MYSM1: variants seen among roughly 807,000 people sequenced by gnomAD.
MYSM1 encodes the protein Myb like, SWIRM and MPN domains 1, also known as deubiquitinase MYSM1.
A neutral mutation model predicts 116.0 loss-of-function variants in MYSM1; 51 were observed. The ratio of observed to expected loss-of-function variants is 0.44; its 90% CI spans 0.35 to 0.56. The LOEUF (loss-of-function observed/expected upper bound fraction) is 0.56, where lower values mean the gene tolerates loss of function less well. Among genes scored for constraint, MYSM1 ranks in the 20% least tolerant of loss-of-function variants. The pLI, the probability that MYSM1 is intolerant of heterozygous loss-of-function variation, is 0.00. For missense variants in MYSM1, 900 were observed against 974.9 expected, an observed-to-expected ratio of 0.92 and a Z score of 1.02; for synonymous variants, 313 against 315.2, an observed-to-expected ratio of 0.99 and a Z score of 0.07.
chr1:58,698,084 C>CTCTATATATATATATATATATA (rs1443443579), intron 1 of MYSM1, among the ~76,000 whole-genome samples: 2 of 31,412 alleles, frequency 6.4e-5, no homozygotes, highest in African/African-American at 2.5e-4. Context: ...ATTTATCAGA[C>CTCTATATATATATATATATATA]TATATATATA....
chr1:58,660,175 T>C lies in MYSM1; in HGVS notation c.2329-20A>G. The C allele has an allele frequency of 2.0e-6, 3 of 1,481,994 alleles. No individual in the cohort carries two copies. The highest frequency in any genetic ancestry group is 2.7e-6 in the Non-Finnish European group (3 of 1,109,992). 91.8% of individuals were successfully genotyped at this position (1,481,994 alleles called of 1,614,324 possible). A position where few individuals can be genotyped will look rare whatever the true frequency, so the allele number is the denominator to read the frequency against. On this transcript the variant is annotated intron_variant, in intron 19 of 19. Transcript: ENST00000472487. Reference sequence around the variant, plus strand: ...CAAAAGCTAGTTGAAAAGAAAAGTTTTATATTTAAATACAGAAAAAGTATG... The same window carrying C: ...CAAAAGCTAGTTGAAAAGAAAAGTTCTATATTTAAATACAGAAAAAGTATG...
At chr1:58,675,051 A>T (rs519331) in intron 10 of MYSM1, among the ~76,000 whole-genome samples, 8,746 of 151,748 alleles carry the variant, frequency 0.058, 787 homozygotes, top group African/African-American at 0.2. Context: ...TACGAATTTT[A>T]AAATATTATA....
At chr1:58,662,532 A>T (rs1468101482) in intron 17 of MYSM1, among the ~76,000 whole-genome samples, 1 of 149,568 alleles carries the variant, frequency 6.7e-6, no homozygotes, top group Non-Finnish European at 1.5e-5. Context: ...TATAAAAGGC[A>T]TTGGCAGGAT....
chr1:58,684,298 G>T (rs1644792907), intron 7 of MYSM1, among the ~76,000 whole-genome samples: 3 of 152,016 alleles, frequency 2.0e-5, no homozygotes, highest in Non-Finnish European at 4.4e-5. Flanking sequence ...GGGCACGGTG[G>T]CTCACGCCTG....
chr1:58,674,069 G>A (rs601459), intron 10 of MYSM1, among the ~76,000 whole-genome samples: 8,884 of 152,004 alleles, frequency 0.058, 807 homozygotes, highest in African/African-American at 0.2. Flanking sequence ...TCACTGTGTC[G>A]CCCAGGCTGG....
chr1:58,684,315 C>T (rs994542359), intron 7 of MYSM1, among the ~76,000 whole-genome samples: 7 of 152,196 alleles, frequency 4.6e-5, no homozygotes, highest in African/African-American at 1.4e-4. Context: ...CCTGTAATCC[C>T]AGCACTTTGG....
Position 58,676,940 on chromosome 1 carries a change from A to T in MYSM1, c.1376T>A (p.Ile459Asn). 1 of 1,611,156 alleles carries T rather than the reference A, an allele frequency of 6.2e-7. No individual in the cohort carries two copies. The highest frequency in any genetic ancestry group is 8.5e-7 in the Non-Finnish European group (1 of 1,178,858). Residue 459 changes from isoleucine (I) to asparagine (N), a missense_variant, in exon 9 of 20, where the codon ATC becomes AAC. Coordinates refer to ENST00000472487, the MANE Select transcript of MYSM1 (RefSeq NM_001085487.3). ...IHTYLELIGA[I>N]NFGCEQAVYN... is the part of the protein sequence containing the mutation. ...TTTATTTTTACCACATCCAAAATTG[A>T]TTGCTCCTATCAATTCGAGGTATGT...
Position 58,671,925 on chromosome 1 carries a change from C to G in MYSM1, c.1606G>C (p.Glu536Gln), listed in dbSNP as rs202233038. The G allele has an allele frequency of 6.6e-5, 106 of 1,613,272 alleles. No individual in the cohort carries two copies. The African/African-American group carries it at 1.3e-3, about 19-fold the overall frequency. ...LSAEELAKRR[E>Q]EEKGRPVKSL... The stretch of plus-strand genomic sequence containing the variant: ...TTAACAGGTCTGCCTTTTTCCTCTT[C>G]TCTTCTTTTTGCCAACTCCTCAGCA... The change falls in exon 12 of 20, where the codon GAA becomes CAA. Residue 536 changes from glutamate to glutamine, a missense_variant. Physicochemically the swap from Glu to Gln is conservative, Grantham distance 29. Transcript: ENST00000472487.
chr1:58,689,106 G>C lies in MYSM1; in HGVS notation c.331C>G (p.Pro111Ala), dbSNP rs1462070962. ...ACTGAGTAACTGGCTGGTTTTGTAG[G>C]AGAGTGTACCCTGAGGGGAAAAAAA... is the stretch of plus-strand genomic sequence containing the variant. ...QKTAKIMVHS[P>A]TKPASYSVKW... Residue 111 changes from proline to alanine, a missense_variant, in exon 6 of 20, where the codon CCT becomes GCT. By Grantham distance (27) the Pro-to-Ala change is conservative. Around this residue, in one of 3 missense-constraint regions of MYSM1, gnomAD observed 622 missense variants for 623.7 expected, o/e 1.00. Transcript: ENST00000472487. The C allele has an allele frequency of 6.2e-7, 1 of 1,609,270 alleles. No individual in the cohort carries two copies. Among genetic ancestry groups the C allele is most frequent in the Non-Finnish European group, 8.5e-7 (1 of 1,178,950 alleles).
intron 1 of MYSM1, among the ~76,000 whole-genome samples, chr1:58,697,237 T>C (rs1644988275): frequency 7.3e-6 from 1 of 136,718 alleles, no homozygotes; most frequent in African/African-American, 2.7e-5. Flanking sequence ...TTTACTAAAC[T>C]AGGGTACAGT....
At chr1:58,679,642 A>T (rs374851331) in intron 8 of MYSM1, among the ~76,000 whole-genome samples, 50 of 152,148 alleles carry the variant, frequency 3.3e-4, no homozygotes, top group African/African-American at 1.1e-3. Context: ...AATTTTTTGT[A>T]GGGACAGGGT....
chr1:58,692,000 T>C (rs1009249217), intron 3 of MYSM1, among the ~76,000 whole-genome samples: 10 of 152,226 alleles, frequency 6.6e-5, no homozygotes, highest in Admixed American at 1.3e-4. Flanking sequence ...ATATAATATA[T>C]AGTTAAAATT....
At chr1:58,693,370 A>G (rs996879922) in intron 2 of MYSM1, among the ~76,000 whole-genome samples, 2 of 152,086 alleles carry the variant, frequency 1.3e-5, no homozygotes, top group Non-Finnish European at 2.9e-5. Flanking sequence ...TTCAGCTCAT[A>G]TCTCTTCTTC....
chr1:58,660,705 T>C (rs955921054), intron 19 of MYSM1, among the ~76,000 whole-genome samples: 1 of 152,128 alleles, frequency 6.6e-6, no homozygotes, highest in Non-Finnish European at 1.5e-5. Flanking sequence ...GTTGCAGATC[T>C]ACTAGCCTTC....
intron 7 of MYSM1, 121 bp downstream of exon 7, chr1:58,685,032 G>T (rs1180120188): frequency 2.9e-6 from 2 of 693,508 alleles, no homozygotes; most frequent in Admixed American, 3.5e-5. Context: ...GTACTATGTG[G>T]GTATAAAATA....
At position 58,668,623 on chromosome 1, in the gene MYSM1, T is replaced by C. The variant is rs75089165; in HGVS notation, c.1767+9A>G. The C allele has an allele frequency of 6.2e-7, 1 of 1,600,344 alleles. No individual in the cohort carries two copies. Among genetic ancestry groups the C allele is most frequent in the Non-Finnish European group, 8.5e-7 (1 of 1,173,140 alleles). On this transcript the variant is annotated intron_variant, in intron 14 of 19. Transcript: ENST00000472487. The stretch of plus-strand genomic sequence containing the variant: ...GAATAACTAAGTAAACACAATAGAT[T>C]ATCCTTACCAAATCCATTATTAAAA...
chr1:58,690,189 G>A (rs1644883765), intron 5 of MYSM1, 37 bp downstream of exon 5: 3 of 1,436,010 alleles, frequency 2.1e-6, no homozygotes, highest in East Asian at 5.2e-5. Context: ...TTTAACTAAT[G>A]AAAACAGATT....
chr1:58,672,395 T>G (rs1321059755), intron 11 of MYSM1, among the ~76,000 whole-genome samples: 1 of 152,070 alleles, frequency 6.6e-6, no homozygotes, highest in Non-Finnish European at 1.5e-5. Flanking sequence ...CTAGGCAAAT[T>G]CTAAAGCTTT....
Position 58,658,036 on chromosome 1 carries a change from T to G in MYSM1, c.*1961A>C. 6.6e-6 allele frequency: 1 copy of G among 152,208 alleles called. No homozygotes were observed. Among genetic ancestry groups the G allele is most frequent in the East Asian group, 1.9e-4 (1 of 5,200 alleles). 9.4% of individuals were successfully genotyped at this position (152,208 alleles called of 1,614,324 possible). On this transcript the variant is annotated 3_prime_UTR_variant, in exon 20 of 20. Transcript: ENST00000472487. ...ATGAGGAAACAGGTCAAAAGGAAGA[T>G]GAGTACAAAGGAATCAATCACTGCC...
Sources: gnomAD v4.1 joint callset for allele counts (sites outside exome capture counted in the v4.1 genomes callset) on GRCh38, gnomAD v4.1.1 for gene constraint, gnomAD v4.1.1 regional missense constraint, MANE v1.5 for transcripts, NCBI Gene and HGNC (gene_info 2026-07-23, HGNC 2026-07-21) for gene names.